OTOF: variants seen among roughly 807,000 people sequenced by gnomAD.
OTOF encodes otoferlin, also known as fer-1-like family member 2.
OTOF carries 218 observed loss-of-function variants against 236.8 expected under a neutral mutation model. The ratio of observed to expected loss-of-function variants is 0.92; its 90% CI spans 0.82 to 1.03. The LOEUF is 1.03. OTOF is among the 50% of genes least tolerant of loss of function. The pLI is 0.00. For missense variants in OTOF, 2,590 were observed against 2,694.4 expected (o/e 0.96, Z 0.86); for synonymous variants, 1,041 against 1,072.5 (o/e 0.97, Z 0.57).
chr2:26,554,683 T>A (rs1572503878), intron 1 of OTOF, among the ~76,000 whole-genome samples: 1 of 151,074 alleles, frequency 6.6e-6, no homozygotes, highest in South Asian at 2.1e-4. Context: ...ATATGATCGA[T>A]GTCTCAAAGT....
rs547671942 is a variant in OTOF at position 26,493,726 on chromosome 2, G to A, written c.897+1216C>T. Reference sequence around the variant, plus strand: ...AAGAAAGTTTTGTTATTGGGAAATCGAAACTTAAGTGGGGAAATCGAAGGG... The same window carrying A: ...AAGAAAGTTTTGTTATTGGGAAATCAAAACTTAAGTGGGGAAATCGAAGGG... On this transcript the variant is annotated intron_variant, in intron 9 of 46. Coordinates refer to ENST00000272371, the MANE Select transcript of OTOF (RefSeq NM_194248.3). Among the ~76,000 whole-genome samples, 79 of 152,270 alleles carry A rather than the reference G, an allele frequency of 5.2e-4. 2 individuals are homozygous for A. The highest frequency in any genetic ancestry group is 1.6e-3 in the African/African-American group (68 of 41,546).
intron 30 of OTOF, 115 bp downstream of exon 30, chr2:26,472,404 G>A: frequency 7.5e-7 from 1 of 1,332,016 alleles, no homozygotes; most frequent in Non-Finnish European, 1.1e-6. Flanking sequence ...ACAGTCACAT[G>A]CCAAAGGAGG....
chr2:26,486,034 G>A (rs1219632822), intron 11 of OTOF, among the ~76,000 whole-genome samples: 2 of 152,216 alleles, frequency 1.3e-5, no homozygotes, highest in Non-Finnish European at 2.9e-5. Context: ...GTGCATAAAT[G>A]GGCAGAGGGA....
In OTOF at chr2:26,462,936, C is replaced by T. The variant is rs1338022328; in HGVS notation, c.5192+547G>A. 2.0e-5 allele frequency among the ~76,000 whole-genome samples: 3 copies of T among 152,288 alleles called. No homozygotes were observed. The highest frequency in any genetic ancestry group is 7.2e-5 in the African/African-American group (3 of 41,558). On this transcript the variant is annotated intron_variant, in intron 41 of 46. Coordinates refer to ENST00000272371, the MANE Select transcript of OTOF (RefSeq NM_194248.3). The surrounding 1 kb of genome is among the most constrained non-coding windows in gnomAD (Gnocchi z 4.7). ...CCTGCCGCTTTATGGATGGGAAACC[C>T]GGGTTCTTTTCACTCTACCACCTCC...
At chr2:26,502,044 G>T (rs1486743837) in intron 7 of OTOF, among the ~76,000 whole-genome samples, 1 of 152,202 alleles carries the variant, frequency 6.6e-6, no homozygotes, top group Non-Finnish European at 1.5e-5. Context: ...TCAAATATGG[G>T]GTGGGCAGGT....
chr2:26,480,950 T>C lies in OTOF; in HGVS notation c.1639A>G (p.Thr547Ala). ...AGGTCCTGATGCTCATCCAGCAGCG[T>C]GTAGTTACGTGTGGAGCCGTACATG... The part of the protein sequence containing the change: ...VNMYGSTRNY[T>A]LLDEHQDLNE... Residue 547 changes from threonine to alanine, a missense_variant, in exon 15 of 47, where the codon ACG (threonine) becomes GCG (alanine). By Grantham distance (58) the Thr-to-Ala change is moderately conservative. Around this residue, in one of 2 missense-constraint regions of OTOF, gnomAD observed 1,379 missense variants for 1,341.6 expected, o/e 1.03. Coordinates refer to ENST00000272371, the MANE Select transcript of OTOF (RefSeq NM_194248.3). 1 of 1,613,006 alleles carries C rather than the reference T, an allele frequency of 6.2e-7. No individual in the cohort carries two copies. Among genetic ancestry groups the C allele is most frequent in the Non-Finnish European group, 8.5e-7 (1 of 1,179,996 alleles).
At chr2:26,504,018 G>T (rs1263790256) in intron 5 of OTOF, among the ~76,000 whole-genome samples, 173 bp from the exon 6 acceptor site, 1 of 152,194 alleles carries the variant, frequency 6.6e-6, no homozygotes, top group African/African-American at 2.4e-5. Context: ...TGGGAGCCAG[G>T]AGGGGGAATC....
rs746372798 is a variant in OTOF, at chr2:26,463,514, G to A, written c.5161C>T (p.Pro1721Ser). The A allele has an allele frequency of 5.6e-6, 9 of 1,608,630 alleles. No individual in the cohort carries two copies. The highest frequency in any genetic ancestry group is 7.6e-6 in the Non-Finnish European group (9 of 1,177,860). The part of the protein sequence containing the change: ...FPMDMPAPGT[P>S]LDISPRKPKK... Reference sequence around the variant, plus strand: ...GGCTTCCGAGGTGAGATGTCCAGAGGCGTCCCAGGGGCTGGCATGTCCATG... The same window carrying A: ...GGCTTCCGAGGTGAGATGTCCAGAGACGTCCCAGGGGCTGGCATGTCCATG... Residue 1721 changes from proline to serine, a missense_variant, in exon 41 of 47, where the codon CCT becomes TCT. Physicochemically the swap from Pro to Ser is moderately conservative, Grantham distance 74 (BLOSUM62 -1). Coordinates refer to ENST00000272371, the MANE Select transcript of OTOF (RefSeq NM_194248.3).
In OTOF at chr2:26,484,581, G is replaced by A; in HGVS notation, c.1098C>T (p.Ser366=). 1.9e-6 allele frequency: 3 copies of A among 1,613,874 alleles called. No individual in the cohort carries two copies. Among genetic ancestry groups the A allele is most frequent in the Non-Finnish European group, 2.5e-6 (3 of 1,179,912 alleles). The stretch of plus-strand genomic sequence containing the variant: ...ACTTCACGTAGCCCTTCAGCCCCGA[G>A]GAGATGTCATCGGGGTCAGACAGGA... ...WAILSDPDDI[S]SGLKGYVKCD... Residue 366 remains serine, a synonymous_variant, in exon 12 of 47, where the codon TCC becomes TCT. Transcript: ENST00000272371.
chr2:26,556,530 C>A (rs937616722), intron 1 of OTOF, among the ~76,000 whole-genome samples: 4 of 152,182 alleles, frequency 2.6e-5, no homozygotes, highest in African/African-American at 9.6e-5. Context: ...GATTTCTCCA[C>A]TCAGTCCAGA....
chr2:26,484,108 A>C (rs1665638798), intron 12 of OTOF, among the ~76,000 whole-genome samples: 1 of 152,258 alleles, frequency 6.6e-6, no homozygotes, highest in South Asian at 2.1e-4. Flanking sequence ...ACAAGGTCAC[A>C]GAATATTTCT....
At position 26,461,091 on chromosome 2, in the gene OTOF, G is replaced by A. The variant is rs13031309; in HGVS notation, c.5534-61C>T. The A allele has an allele frequency of 4.1e-4, 439 of 1,064,970 alleles. 2 individuals carry two copies. The highest frequency in any genetic ancestry group is 2.3e-3 in the Middle Eastern group (8 of 3,488). 66.0% of individuals were successfully genotyped at this position (1,064,970 alleles called of 1,614,324 possible). On this transcript the variant is annotated intron_variant, in intron 43 of 46. Transcript: ENST00000272371. This position sits in a 1 kb window ranked among gnomAD's most constrained non-coding sequence, Gnocchi z 6.2. Reference sequence around the variant, plus strand: ...GGCTGGGGTGGGGCGGGGTGGGGGTGGGGGTCTGGGCTCCTCGGCCCCTTG... The same window carrying A: ...GGCTGGGGTGGGGCGGGGTGGGGGTAGGGGTCTGGGCTCCTCGGCCCCTTG...
At chr2:26,475,854 A>G in intron 24 of OTOF, 60 bp downstream of exon 24, 1 of 1,551,888 alleles carries the variant, frequency 6.4e-7, no homozygotes, top group South Asian at 1.2e-5. Context: ...CAGTCCCCAC[A>G]GGCTCACAGG....
intron 8 of OTOF, among the ~76,000 whole-genome samples, chr2:26,495,933 T>C (rs796989854): frequency 1.1e-4 from 16 of 152,356 alleles, no homozygotes; most frequent in African/African-American, 3.6e-4. Flanking sequence ...TGATACGTCT[T>C]TGCATTTCTG....
chr2:26,543,435 G>T (rs1352551597), intron 1 of OTOF, among the ~76,000 whole-genome samples: 2 of 152,172 alleles, frequency 1.3e-5, no homozygotes. Flanking sequence ...AACTGTTGTG[G>T]GAAAGTCTAA....
In OTOF at chr2:26,477,978, AAGC is replaced by A; in HGVS notation, c.2215-232_2215-230del. 6.8e-7 allele frequency: 1 copy of A among 1,463,888 alleles called. No individual in the cohort carries two copies. 90.7% of individuals were successfully genotyped at this position (1,463,888 alleles called of 1,614,324 possible). A position where few individuals can be genotyped will look rare whatever the true frequency, so the allele number is the denominator to read the frequency against. On this transcript the variant is annotated intron_variant, in intron 18 of 46. Coordinates refer to ENST00000272371, the MANE Select transcript of OTOF (RefSeq NM_194248.3). The surrounding 1 kb of genome is among the most constrained non-coding windows in gnomAD (Gnocchi z 4.7). ...GGGGTTCTTCAGTTCCTGAAGGAAG[AAGC>A]CACCTCTGGGCTGTGAGTCTGTGGC...
chr2:26,489,916 G>A (rs1279410317), intron 9 of OTOF, among the ~76,000 whole-genome samples, 176 bp from the exon 10 acceptor site: 1 of 152,226 alleles, frequency 6.6e-6, no homozygotes, highest in Non-Finnish European at 1.5e-5. Context: ...CCTGGTGGTG[G>A]GTGGTAGGAA....
intron 46 of OTOF, 83 bp downstream of exon 46, chr2:26,459,925 T>A: frequency 7.6e-7 from 1 of 1,312,374 alleles, no homozygotes; most frequent in South Asian, 1.3e-5. Context: ...TATTTGTGTT[T>A]GTGGATGTGT....
At chr2:26,556,632 C>A (rs1248276794) in intron 1 of OTOF, among the ~76,000 whole-genome samples, 1 of 152,088 alleles carries the variant, frequency 6.6e-6, no homozygotes, top group Non-Finnish European at 1.5e-5. Context: ...GGGTGTCAGA[C>A]AAGGTGCTGG....
Sources: gnomAD v4.1 joint callset for allele counts (sites outside exome capture counted in the v4.1 genomes callset) on GRCh38, gnomAD v4.1.1 for gene constraint, gnomAD v4.1.1 regional missense constraint, Gnocchi (gnomAD v3.1) non-coding constraint, MANE v1.5 for transcripts, NCBI Gene and HGNC (gene_info 2026-07-23, HGNC 2026-07-21) for gene names.